Variants in PPP6C observed in about 807,000 individuals in gnomAD.
PPP6C encodes serine/threonine-protein phosphatase 6 catalytic subunit.
PPP6C carries 11 observed loss-of-function variants against 39.8 expected under a neutral mutation model. The observed-to-expected ratio is 0.28, with a 90% confidence interval of 0.17 to 0.46. The LOEUF (loss-of-function observed/expected upper bound fraction) is 0.46, where lower values mean the gene tolerates loss of function less well. Ranked by LOEUF, PPP6C falls within the 20% of genes least tolerant of loss-of-function variation. The probability of loss-of-function intolerance (pLI) is 1.00; values close to 1 mark genes in which losing one functional copy is unlikely to be tolerated. For synonymous variants in PPP6C, 129 were observed against 130.3 expected (o/e 0.99, Z 0.07); for missense variants, 211 against 373.9 (o/e 0.56, Z 3.59).
rs1829321851 is a variant in PPP6C at position 125,177,300 on chromosome 9, G to C, written c.76-6120C>G. Among the ~76,000 whole-genome samples, 8 of 152,252 alleles carry C rather than the reference G, an allele frequency of 5.3e-5. No homozygotes were observed. In the South Asian group the frequency reaches 1.7e-3, roughly 32 times the overall value. On this transcript the variant is annotated intron_variant, in intron 1 of 6. Coordinates refer to ENST00000373547, the MANE Select transcript of PPP6C (RefSeq NM_002721.5). ...GAGGCAGGAGAATGGCGTGAACCCGGGAGGCCGAACTTGCAGTGAGCAGAG... is the reference window on the plus strand; with the variant it reads ...GAGGCAGGAGAATGGCGTGAACCCGCGAGGCCGAACTTGCAGTGAGCAGAG...
intron 1 of PPP6C, among the ~76,000 whole-genome samples, chr9:125,188,177 A>G (rs533032753): frequency 1.6e-3 from 245 of 151,268 alleles, no homozygotes; most frequent in Admixed American, 3.8e-3. Flanking sequence ...CGAGTTCAGG[A>G]GATCGAGACC....
In PPP6C at chr9:125,162,336, T is replaced by C. The variant is rs141773643; in HGVS notation, c.172-1430A>G. 8.1e-3 allele frequency among the ~76,000 whole-genome samples: 1,229 copies of C among 151,258 alleles called. 21 individuals are homozygous for C. Among genetic ancestry groups the C allele is most frequent in the African/African-American group, 0.028 (1,151 of 41,158 alleles). On this transcript the variant is annotated intron_variant, in intron 2 of 6. Transcript: ENST00000373547. ...ATCCAGGGGTGGTGGCCTGCACCTG[T>C]AATCCCAGCTACCTGGGAGGCTGAG...
chr9:125,165,198 T>C (rs1828985611), intron 2 of PPP6C, among the ~76,000 whole-genome samples: 1 of 152,104 alleles, frequency 6.6e-6, no homozygotes, highest in African/African-American at 2.4e-5. Context: ...ATATTAGAGA[T>C]TAAAACTCAG....
chr9:125,159,156 A>G (rs1214766092), intron 3 of PPP6C, among the ~76,000 whole-genome samples: 3 of 147,774 alleles, frequency 2.0e-5, no homozygotes, highest in Non-Finnish European at 4.4e-5. Context: ...CTCCCACCTC[A>G]GCTTCCTGAG....
chr9:125,175,228 C>A (rs1829270836), intron 1 of PPP6C, among the ~76,000 whole-genome samples: 1 of 151,380 alleles, frequency 6.6e-6, no homozygotes, highest in Non-Finnish European at 1.5e-5. Context: ...AAAACAAAAG[C>A]AAAAAATAGA....
At position 125,167,379 on chromosome 9, in the gene PPP6C, CAAAAAAAAAAAAA is replaced by C. The variant is rs758123351; in HGVS notation, c.171+3693_171+3705del. 8.9e-5 allele frequency among the ~76,000 whole-genome samples: 5 copies of C among 56,086 alleles called. No homozygotes were observed. The Admixed American group carries it at 9.3e-4, about 10-fold the overall frequency. 36.8% of individuals were successfully genotyped at this position (56,086 alleles called of 152,430 possible). ...TTGGGTGACAGAGCGAGACCCTGTC[CAAAAAAAAAAAAA>C]AAAAAAAGAAATAAAAAAAAGGCCG... On this transcript the variant is annotated intron_variant, in intron 2 of 6. Transcript: ENST00000373547.
intron 2 of PPP6C, among the ~76,000 whole-genome samples, chr9:125,162,279 G>A (rs549714485): frequency 1.1e-4 from 16 of 151,854 alleles, no homozygotes; most frequent in African/African-American, 2.9e-4. Flanking sequence ...CCAATGTGGT[G>A]AAACCCCATC....
chr9:125,170,703 T>C (rs1224246401), intron 2 of PPP6C, among the ~76,000 whole-genome samples: 2 of 152,152 alleles, frequency 1.3e-5, no homozygotes, highest in African/African-American at 2.4e-5. Flanking sequence ...CAACAATATA[T>C]GACAGGAGAA....
At chr9:125,159,748 A>G (rs533255679) in intron 3 of PPP6C, among the ~76,000 whole-genome samples, 42 of 152,310 alleles carry the variant, frequency 2.8e-4, no homozygotes, top group African/African-American at 9.1e-4. Context: ...GTGGTGGCTC[A>G]CCCCTGTAAT....
intron 2 of PPP6C, among the ~76,000 whole-genome samples, chr9:125,167,485 T>G (rs1021135172): frequency 7.2e-6 from 1 of 139,296 alleles, no homozygotes; most frequent in Non-Finnish European, 1.5e-5. Context: ...GAGGATCACA[T>G]GAGGTCAGGG....
At chr9:125,163,367 T>C (rs980268300) in intron 2 of PPP6C, among the ~76,000 whole-genome samples, 12 of 152,222 alleles carry the variant, frequency 7.9e-5, no homozygotes, top group Non-Finnish European at 1.8e-4. Context: ...AGTTTTTTAA[T>C]AAAAATATGG....
At position 125,149,913 on chromosome 9, in the gene PPP6C, A is replaced by G. The variant is rs375048448; in HGVS notation, c.678T>C (p.His226=). The change falls in exon 7 of 7, where the codon CAT becomes CAC. Residue 226 remains histidine, a synonymous_variant. Transcript: ENST00000373547. ...TGCAGATGAGTTTTAAGTTGTTGAT[A>G]TGAACAAACTGCAATTTAGAAAGGC... The part of the protein sequence containing the change: ...FGAKVTNEFV[H]INNLKLICRA... 14 of 1,613,306 alleles carry G rather than the reference A, an allele frequency of 8.7e-6. No individual in the cohort carries two copies. The African/African-American group carries it at 1.7e-4, about 20-fold the overall frequency.
At chr9:125,150,001 A>C in intron 6 of PPP6C, 80 bp from the exon 7 acceptor site, 2 of 1,481,168 alleles carry the variant, frequency 1.4e-6, no homozygotes, top group South Asian at 1.3e-5. Flanking sequence ...AAAATACCAA[A>C]TCCTATTACT....
chr9:125,177,066 T>C (rs368259538), intron 1 of PPP6C, among the ~76,000 whole-genome samples: 1 of 152,080 alleles, frequency 6.6e-6, no homozygotes, highest in Non-Finnish European at 1.5e-5. Flanking sequence ...CACAGCAAAA[T>C]TGAGCAGAAA....
chr9:125,174,813 G>C (rs910426719), intron 1 of PPP6C, among the ~76,000 whole-genome samples: 3 of 152,130 alleles, frequency 2.0e-5, no homozygotes, highest in Non-Finnish European at 4.4e-5. Flanking sequence ...TTGGGAGGTT[G>C]AGACAGGAGA....
intron 4 of PPP6C, among the ~76,000 whole-genome samples, chr9:125,154,849 T>C (rs1836029610): frequency 1.3e-5 from 2 of 152,180 alleles, no homozygotes; most frequent in Admixed American, 1.3e-4. Context: ...AGATTGCCAA[T>C]CAGGTTCTTA....
rs867372644 is a variant in PPP6C, at chr9:125,167,840, G to T, written c.171+3245C>A. Reference sequence around the variant, plus strand: ...TCAGGAGTTTGAGATGGGGGGGGGGGGGGGGGGTATCATTTGGTTGCCCAG... The same window carrying T: ...TCAGGAGTTTGAGATGGGGGGGGGGTGGGGGGGTATCATTTGGTTGCCCAG... On this transcript the variant is annotated intron_variant, in intron 2 of 6. Transcript: ENST00000373547. Among the ~76,000 whole-genome samples the T allele has an allele frequency of 5.2e-4, 72 of 137,720 alleles. 5 individuals carry two copies. In the Middle Eastern group the frequency reaches 0.011, roughly 20 times the overall value. The allele number at this position is 137,720 out of a possible 152,430, so 90.3% of individuals were successfully genotyped here.
At chr9:125,189,141 A>G (rs574335370) in intron 1 of PPP6C, among the ~76,000 whole-genome samples, 3 of 152,316 alleles carry the variant, frequency 2.0e-5, no homozygotes, top group Non-Finnish European at 4.4e-5. Context: ...CGCCAGTACC[A>G]AACCACTCGG....
In PPP6C at chr9:125,189,744, A is replaced by AGCG. The variant is rs753427502; in HGVS notation, c.-29_-27dup. On this transcript the variant is annotated 5_prime_UTR_variant, in exon 1 of 7. Transcript: ENST00000373547. Reference sequence around the variant, plus strand: ...TTTAAGAATAACAAGCCGCGGCAACAGCGGCGGCGGCGGCTGTAGCAGCGG... The same window carrying AGCG: ...TTTAAGAATAACAAGCCGCGGCAACAGCGGCGGCGGCGGCGGCTGTAGCAGCGG... 257 of 1,559,518 alleles carry AGCG rather than the reference A, an allele frequency of 1.6e-4. No individual in the cohort carries two copies. Among genetic ancestry groups the AGCG allele is most frequent in the Non-Finnish European group, 2.0e-4 (229 of 1,157,242 alleles).
Sources: allele counts gnomAD v4.1 joint callset (sites outside exome capture counted in the v4.1 genomes callset), GRCh38; gene constraint gnomAD v4.1.1; transcripts MANE v1.5; gene names NCBI Gene and HGNC (gene_info 2026-07-23, HGNC 2026-07-21).